AKAIN1: variants seen among roughly 807,000 people sequenced by gnomAD.
AKAIN1 encodes A-kinase anchor inhibitor 1.
In AKAIN1, 3 loss-of-function variants were observed where a neutral mutation model predicts 3.7. The ratio of observed to expected loss-of-function variants is 0.82; its 90% confidence interval spans 0.37 to 2.12. AKAIN1 has a LOEUF of 2.12. AKAIN1 is among the 30% of genes most tolerant of loss of function. The pLI, the probability that AKAIN1 is intolerant of heterozygous loss-of-function variation, is 0.06. For missense variants in AKAIN1, 82 were observed against 82.7 expected (o/e 0.99, Z 0.03); for synonymous variants, 31 against 30.8 (o/e 1.01, Z -0.02).
At chr18:5,197,268 C>A, upstream of AKAIN1, 1 of 1,372,992 alleles carries the variant, frequency 7.3e-7, no homozygotes, top group Non-Finnish European at 9.3e-7. This position sits in a 1 kb window ranked among gnomAD's most constrained non-coding sequence, Gnocchi z 6.9. Flanking sequence ...GCGGCCACAG[C>A]GGCGGCGGGA....
chr18:5,185,828 G>T (rs994396677), intron 1 of AKAIN1, among the ~76,000 whole-genome samples: 1 of 152,072 alleles, frequency 6.6e-6, no homozygotes, highest in Non-Finnish European at 1.5e-5. Flanking sequence ...GTATTAATGG[G>T]TATATACCCA....
chr18:5,183,410 T>C (rs1298667916), intron 1 of AKAIN1, among the ~76,000 whole-genome samples: 2 of 152,108 alleles, frequency 1.3e-5, no homozygotes. Context: ...TTATGCTTTC[T>C]AAAATTTCTG....
chr18:5,196,136 C>T (rs1373408874), intron 1 of AKAIN1, among the ~76,000 whole-genome samples: 3 of 152,184 alleles, frequency 2.0e-5, no homozygotes, highest in Non-Finnish European at 2.9e-5. Context: ...CTAGAGAGTT[C>T]TAGGCCCCTC....
intron 1 of AKAIN1, among the ~76,000 whole-genome samples, chr18:5,156,455 C>G (rs1186816082): frequency 6.6e-6 from 1 of 152,130 alleles, no homozygotes; most frequent in Non-Finnish European, 1.5e-5. Flanking sequence ...GAGGGAGAAT[C>G]TCAGGGGGCT....
intron 1 of AKAIN1, among the ~76,000 whole-genome samples, chr18:5,188,748 C>A (rs1202551189): frequency 6.6e-6 from 1 of 152,036 alleles, no homozygotes; most frequent in African/African-American, 2.4e-5. Flanking sequence ...CAGCAAACAA[C>A]CCCGGGATGT....
intron 1 of AKAIN1, among the ~76,000 whole-genome samples, chr18:5,181,165 GGCTGTAGTCCCT>G (rs1381327640): frequency 6.6e-6 from 1 of 151,992 alleles, no homozygotes; most frequent in East Asian, 1.9e-4. Context: ...GGTGGCACAT[GGCTGTAGTCCCT>G]GCTACTCAGG....
chr18:5,178,928 C>G (rs940512613), intron 1 of AKAIN1, among the ~76,000 whole-genome samples: 1 of 152,116 alleles, frequency 6.6e-6, no homozygotes, highest in Non-Finnish European at 1.5e-5. Context: ...AAAAATTCTG[C>G]CCCTTTAAAG....
In AKAIN1 at chr18:5,197,021, A is replaced by C. The variant is rs545841796; in HGVS notation, c.16+17T>G. The C allele has an allele frequency of 6.5e-7, 1 of 1,549,060 alleles. No individual in the cohort carries two copies. Among genetic ancestry groups the C allele is most frequent in the African/African-American group, 1.4e-5 (1 of 73,124 alleles). On this transcript the variant is annotated intron_variant, in intron 1 of 1. Coordinates refer to ENST00000434239, the MANE Select transcript of AKAIN1 (RefSeq NM_001145194.2). This position sits in a 1 kb window ranked among gnomAD's most constrained non-coding sequence, Gnocchi z 6.9. The stretch of plus-strand genomic sequence containing the variant: ...TCCCCTCCTAGACACTTGGTGAAAA[A>C]GCAAGGTGCGGTGTACCTGGAGCGA...
At chr18:5,187,157 G>C (rs1054127670) in intron 1 of AKAIN1, among the ~76,000 whole-genome samples, 17 of 151,524 alleles carry the variant, frequency 1.1e-4, no homozygotes, top group African/African-American at 4.1e-4. Context: ...CAAAGTCAAA[G>C]CAAGAAGAAA....
At chr18:5,176,797 C>A (rs951473047) in intron 1 of AKAIN1, among the ~76,000 whole-genome samples, 2 of 152,138 alleles carry the variant, frequency 1.3e-5, no homozygotes, top group Non-Finnish European at 2.9e-5. Context: ...CTAAGAAATT[C>A]TAATTCTAAG....
chr18:5,170,450 T>C (rs1339819228), intron 1 of AKAIN1, among the ~76,000 whole-genome samples: 3 of 152,146 alleles, frequency 2.0e-5, no homozygotes, highest in Non-Finnish European at 4.4e-5. Context: ...TGGGTTCCAA[T>C]TTCCTTATGT....
intron 1 of AKAIN1, among the ~76,000 whole-genome samples, chr18:5,170,006 A>T (rs1436022659): frequency 6.6e-6 from 1 of 152,174 alleles, no homozygotes; most frequent in Non-Finnish European, 1.5e-5. Context: ...TATACTTGTC[A>T]GTAAGACTGG....
chr18:5,177,012 G>A (rs1448155728), intron 1 of AKAIN1, among the ~76,000 whole-genome samples: 1 of 149,856 alleles, frequency 6.7e-6, no homozygotes, highest in Non-Finnish European at 1.5e-5. Flanking sequence ...ATGAAATACA[G>A]CAGTTCCCAA....
At chr18:5,186,509 A>C (rs72870842) in intron 1 of AKAIN1, among the ~76,000 whole-genome samples, 13,877 of 152,210 alleles carry the variant, frequency 0.091, 803 homozygotes, top group Non-Finnish European at 0.12. Flanking sequence ...TCAAGTGTAC[A>C]TGCATCTAAT....
At chr18:5,185,606 C>T (rs149974919) in intron 1 of AKAIN1, among the ~76,000 whole-genome samples, 5 of 152,194 alleles carry the variant, frequency 3.3e-5, no homozygotes, top group Non-Finnish European at 7.4e-5. Flanking sequence ...TGCTCAACAT[C>T]ACTAATCACT....
chr18:5,181,112 C>A (rs539464684), intron 1 of AKAIN1, among the ~76,000 whole-genome samples: 2 of 151,360 alleles, frequency 1.3e-5, no homozygotes, highest in South Asian at 4.2e-4. Flanking sequence ...CTGAGTGAAA[C>A]CCCATCTCTT....
chr18:5,177,953 G>A (rs2071235414), intron 1 of AKAIN1, among the ~76,000 whole-genome samples: 1 of 152,098 alleles, frequency 6.6e-6, no homozygotes, highest in African/African-American at 2.4e-5. Flanking sequence ...GAGCATAAAT[G>A]TTGTGGGCCC....
intron 1 of AKAIN1, among the ~76,000 whole-genome samples, chr18:5,171,573 C>A (rs2071198121): frequency 1.3e-5 from 2 of 152,102 alleles, no homozygotes. Context: ...AAATTGCAAA[C>A]AGGCATATGA....
At chr18:5,168,530 C>T (rs1464680206) in intron 1 of AKAIN1, among the ~76,000 whole-genome samples, 1 of 152,012 alleles carries the variant, frequency 6.6e-6, no homozygotes, top group East Asian at 1.9e-4. Flanking sequence ...TCCTCAGTAC[C>T]ACACTGTCTT....
Sources: allele counts gnomAD v4.1 joint callset (sites outside exome capture counted in the v4.1 genomes callset), GRCh38; gene constraint gnomAD v4.1.1; non-coding constraint Gnocchi (gnomAD v3.1); transcripts MANE v1.5; gene names NCBI Gene and HGNC (gene_info 2026-07-23, HGNC 2026-07-21).